Variants in RYR3 observed in about 807,000 individuals in gnomAD.
RYR3 encodes brain ryanodine receptor-calcium release channel.
In RYR3, 207 loss-of-function variants were observed where a neutral mutation model predicts 584.3. That is an observed-to-expected ratio of 0.35 (90% CI 0.32 to 0.40). The LOEUF is 0.40. RYR3 is among the 10% of genes least tolerant of loss of function. The pLI is 1.00. For synonymous variants in RYR3, 2,416 were observed against 2,248.5 expected, an observed-to-expected ratio of 1.07 and a Z score of -2.11; for missense variants, 5,616 against 6,089.2, an observed-to-expected ratio of 0.92 and a Z score of 2.59.
Position 33,844,904 on chromosome 15 carries a change from A to T in RYR3, c.13339A>T (p.Asn4447Tyr). The change falls in exon 93 of 104, where the codon AAC becomes TAC. Residue 4447 changes from asparagine (N) to tyrosine (Y), a missense_variant. Around this residue, in one of 9 missense-constraint regions of RYR3, gnomAD observed 918 missense variants for 887.4 expected, o/e 1.03. Coordinates refer to ENST00000634891, the MANE Select transcript of RYR3 (RefSeq NM_001036.6). ...PLEEETEDVA[N>Y]LWNSFNDEEE... ...AGAAGAAGAGACAGAGGATGTTGCAAACCTATGGAATTCCTTTAATGACGA... is the reference window on the plus strand; with the variant it reads ...AGAAGAAGAGACAGAGGATGTTGCATACCTATGGAATTCCTTTAATGACGA... The T allele has an allele frequency of 6.2e-7, 1 of 1,614,044 alleles. No individual in the cohort carries two copies. The highest frequency in any genetic ancestry group is 8.5e-7 in the Non-Finnish European group (1 of 1,179,898).
Position 33,586,348 on chromosome 15 carries a change from AT to A in RYR3, c.1788+233del, listed in dbSNP as rs147261382. On this transcript the variant is annotated intron_variant, in intron 16 of 103. Coordinates refer to ENST00000634891, the MANE Select transcript of RYR3 (RefSeq NM_001036.6). ...AACAGCTCCCCAGTCGCTGCTCATT[AT>A]CATTAACCCTTAACACCAGCTCACT... Among the ~76,000 whole-genome samples, 558 of 152,292 alleles carry A rather than the reference AT, an allele frequency of 3.7e-3. 2 individuals carry two copies. Among genetic ancestry groups the A allele is most frequent in the African/African-American group, 0.013 (543 of 41,560 alleles).
At chr15:33,329,748 T>C (rs185985163) in intron 1 of RYR3, among the ~76,000 whole-genome samples, 14 of 152,310 alleles carry the variant, frequency 9.2e-5, no homozygotes, top group East Asian at 1.9e-4. Context: ...TATTTTTCAT[T>C]TGATGCTTGT....
In RYR3 at chr15:33,719,024, C is replaced by T. The variant is rs190975835; in HGVS notation, c.6620-3691C>T. 2.9e-3 allele frequency among the ~76,000 whole-genome samples: 439 copies of T among 152,322 alleles called. 2 individuals are homozygous for T. The highest frequency in any genetic ancestry group is 0.022 in the South Asian group (107 of 4,822). ...ACAATGGATTTGGTTAGCAGTGAAGCTTGCTGAGCTACAGGTAATTAGGAA... is the reference window on the plus strand; with the variant it reads ...ACAATGGATTTGGTTAGCAGTGAAGTTTGCTGAGCTACAGGTAATTAGGAA... On this transcript the variant is annotated intron_variant, in intron 43 of 103. Transcript: ENST00000634891.
chr15:33,806,512 C>T (rs12911184), intron 69 of RYR3, among the ~76,000 whole-genome samples: 43,296 of 150,746 alleles, frequency 0.29, 6,417 homozygotes, highest in Middle Eastern at 0.42. Context: ...AGGAAGAAAA[C>T]GCAAGAAAAT....
At position 33,553,990 on chromosome 15, in the gene RYR3, C is replaced by T. The variant is rs183921630; in HGVS notation, c.972+3674C>T. Among the ~76,000 whole-genome samples the T allele has an allele frequency of 8.5e-5, 13 of 152,294 alleles. No homozygotes were observed. In the East Asian group the frequency reaches 2.3e-3, roughly 27 times the overall value. The stretch of plus-strand genomic sequence containing the variant: ...CATATTTGTTTTTTTCTAACCACCA[C>T]CAAACTTGTGCCTGAACGCCTTTTG... On this transcript the variant is annotated intron_variant, in intron 10 of 103. Coordinates refer to ENST00000634891, the MANE Select transcript of RYR3 (RefSeq NM_001036.6).
chr15:33,727,320 T>G (rs2068548635), intron 46 of RYR3, among the ~76,000 whole-genome samples: 1 of 152,216 alleles, frequency 6.6e-6, no homozygotes, highest in South Asian at 2.1e-4. Flanking sequence ...ATGGAAGAAT[T>G]GAAAACATAT....
intron 16 of RYR3, among the ~76,000 whole-genome samples, chr15:33,599,999 T>C (rs1335368744): frequency 1.1e-4 from 16 of 152,154 alleles, no homozygotes; most frequent in Admixed American, 1.0e-3. Context: ...ACAGATGAAA[T>C]GTGTAATAGG....
chr15:33,795,434 A>G (rs2075554014), intron 67 of RYR3, among the ~76,000 whole-genome samples: 1 of 121,822 alleles, frequency 8.2e-6, no homozygotes, highest in Non-Finnish European at 1.6e-5. Context: ...TTGCCCAGCC[A>G]GCCAGGCTAG....
In RYR3 at chr15:33,841,853, C is replaced by G; in HGVS notation, c.13038-11C>G. 6.3e-7 allele frequency: 1 copy of G among 1,584,440 alleles called. No individual in the cohort carries two copies. Among genetic ancestry groups the G allele is most frequent in the South Asian group, 1.2e-5 (1 of 86,418 alleles). On this transcript the variant is annotated splice_polypyrimidine_tract_variant and intron_variant, in intron 90 of 103. Transcript: ENST00000634891. ...CGTCTGCCCTGCTGAGTGGGTTTCC[C>G]ATTTCTGCAGCATGGAAGATGGAGA... is the stretch of plus-strand genomic sequence containing the variant.
intron 89 of RYR3, 125 bp from the exon 90 acceptor site, chr15:33,840,700 G>A: frequency 1.3e-6 from 1 of 792,754 alleles, no homozygotes; most frequent in Non-Finnish European, 2.1e-6. Flanking sequence ...CAGTGATCCT[G>A]AGAGAAGCAG....
At chr15:33,807,509 TG>T (rs752681947) in intron 69 of RYR3, 45 bp from the exon 70 acceptor site, 3 of 1,548,838 alleles carry the variant, frequency 1.9e-6, no homozygotes, top group Non-Finnish European at 2.6e-6. Context: ...CTGCTTTTAC[TG>T]ACTGACTCTT....
chr15:33,622,585 A>G (rs2060783344), intron 19 of RYR3, among the ~76,000 whole-genome samples: 1 of 152,230 alleles, frequency 6.6e-6, no homozygotes, highest in South Asian at 2.1e-4. Flanking sequence ...TACCTTGTTC[A>G]TTGCTGAATC....
At chr15:33,631,836 G>A (rs71462874) in intron 23 of RYR3, among the ~76,000 whole-genome samples, 23,313 of 152,254 alleles carry the variant, frequency 0.15, 2,027 homozygotes, top group African/African-American at 0.21. Context: ...TCTCATGCAT[G>A]CCAGCAGATA....
At chr15:33,505,335 GAC>G (rs1360205704) in intron 3 of RYR3, among the ~76,000 whole-genome samples, 1 of 152,170 alleles carries the variant, frequency 6.6e-6, no homozygotes, top group Non-Finnish European at 1.5e-5. Flanking sequence ...GCTTTAGTAA[GAC>G]AACTGAGAAT....
In RYR3 at chr15:33,816,966, C is replaced by T. The variant is rs770776052; in HGVS notation, c.10599+8C>T. 1.3e-6 allele frequency: 2 copies of T among 1,529,810 alleles called. No homozygotes were observed. The highest frequency in any genetic ancestry group is 1.7e-5 in the Admixed American group (1 of 58,510). The allele number at this position is 1,529,810 out of a possible 1,614,324, so 94.8% of individuals were successfully genotyped here. The stretch of plus-strand genomic sequence containing the variant: ...CTAGTACAGGATTTGGCTGTAAGTA[C>T]TGACTCCCCTGGGAGCAGATATGAG... On this transcript the variant is annotated splice_region_variant and intron_variant, in intron 75 of 103. Transcript: ENST00000634891.
At position 33,722,829 on chromosome 15, in the gene RYR3, A is replaced by G. The variant is rs763563518; in HGVS notation, c.6734A>G (p.Gln2245Arg). 3 of 1,612,728 alleles carry G rather than the reference A, an allele frequency of 1.9e-6. No individual in the cohort carries two copies. The highest frequency in any genetic ancestry group is 2.5e-6 in the Non-Finnish European group (3 of 1,179,362). The change falls in exon 44 of 104, where the codon CAG (glutamine) becomes CGG (arginine). Residue 2245 changes from glutamine (Q) to arginine (R), a missense_variant. Transcript: ENST00000634891. ...EGGNGLLAAM[Q>R]GAIKISENPA... ...GGAAACGGGCTCTTGGCAGCCATGC[A>G]GGGTGCCATTAAGATCTCTGAGAAC... is the stretch of plus-strand genomic sequence containing the variant.
chr15:33,362,479 A>G (rs1309611635), intron 1 of RYR3, among the ~76,000 whole-genome samples: 1 of 152,152 alleles, frequency 6.6e-6, no homozygotes, highest in Non-Finnish European at 1.5e-5. Context: ...CCACCATTTC[A>G]TGGGTATAAA....
At chr15:33,696,101 A>G in intron 38 of RYR3, 117 bp from the exon 39 acceptor site, 3 of 973,646 alleles carry the variant, frequency 3.1e-6, no homozygotes, top group Non-Finnish European at 4.5e-6. Flanking sequence ...TGCCTATAAT[A>G]AGAATTTTGT....
At chr15:33,386,509 A>G (rs535127281) in intron 1 of RYR3, among the ~76,000 whole-genome samples, 1 of 152,338 alleles carries the variant, frequency 6.6e-6, no homozygotes, top group East Asian at 1.9e-4. Flanking sequence ...ACAATGGATA[A>G]TGCCCCAGTA....
Sources: gnomAD v4.1 joint callset for allele counts (sites outside exome capture counted in the v4.1 genomes callset) on GRCh38, gnomAD v4.1.1 for gene constraint, gnomAD v4.1.1 regional missense constraint, MANE v1.5 for transcripts, NCBI Gene and HGNC (gene_info 2026-07-23, HGNC 2026-07-21) for gene names.